CDH23: variants seen among roughly 807,000 people sequenced by gnomAD.
The protein encoded by CDH23 is cadherin related 23.
CDH23 carries 189 observed loss-of-function variants against 317.1 expected under a neutral mutation model. The ratio of observed to expected loss-of-function variants is 0.60; its 90% CI spans 0.53 to 0.67. The LOEUF (loss-of-function observed/expected upper bound fraction) is 0.67, where lower values mean the gene tolerates loss of function less well. CDH23 is among the 30% of genes least tolerant of loss of function. CDH23 has a pLI of 0.00. For missense variants in CDH23, 4,401 were observed against 4,592.4 expected (o/e 0.96, Z 1.20); for synonymous variants, 1,839 against 1,876.8 (o/e 0.98, Z 0.52).
In CDH23 at chr10:71,815,319, A is replaced by T; in HGVS notation, c.*41A>T. ...TTGTGGGTGTGAGCAGCACCCATCC[A>T]CCGTCCCCTCCCAGGGAGCAAGGGC... On this transcript the variant is annotated 3_prime_UTR_variant, in exon 70 of 70. Coordinates refer to ENST00000224721, the MANE Select transcript of CDH23 (RefSeq NM_022124.6). The T allele has an allele frequency of 6.7e-7, 1 of 1,487,786 alleles. No homozygotes were observed. The highest frequency in any genetic ancestry group is 1.3e-5 in the South Asian group (1 of 74,368). 92.2% of individuals were successfully genotyped at this position (1,487,786 alleles called of 1,614,324 possible).
At chr10:71,518,283 C>T (rs1239905215) in intron 6 of CDH23, among the ~76,000 whole-genome samples, 2 of 152,218 alleles carry the variant, frequency 1.3e-5, no homozygotes, top group East Asian at 1.9e-4. Context: ...CATCCTGTGT[C>T]CTGCCTCCCA....
chr10:71,802,287 A>G (rs1841577609), intron 53 of CDH23, among the ~76,000 whole-genome samples: 1 of 152,196 alleles, frequency 6.6e-6, no homozygotes, highest in Non-Finnish European at 1.5e-5. Flanking sequence ...CAGCCTGGGC[A>G]ACAAGAGCGA....
intron 11 of CDH23, among the ~76,000 whole-genome samples, chr10:71,625,966 C>G (rs1179113110): frequency 2.0e-5 from 3 of 152,238 alleles, no homozygotes; most frequent in African/African-American, 7.2e-5. Context: ...AGAGACATCT[C>G]AGATATTTTC....
chr10:71,753,144 C>T (rs1840048471), intron 38 of CDH23: 1 of 908,482 alleles, frequency 1.1e-6, no homozygotes, highest in African/African-American at 2.3e-5. Context: ...CATTTCTTTT[C>T]ACATGGGTGC....
chr10:71,551,408 G>A (rs984796524), intron 6 of CDH23, among the ~76,000 whole-genome samples: 5 of 152,170 alleles, frequency 3.3e-5, no homozygotes, highest in African/African-American at 1.2e-4. Context: ...AGGGAGGGGT[G>A]GGACTCTGTT....
rs779703766 is a variant in CDH23 at position 71,707,023 on chromosome 10, A to C, written c.3080A>C (p.Asn1027Thr). 1.2e-6 allele frequency: 2 copies of C among 1,607,350 alleles called. No individual in the cohort carries two copies. The highest frequency in any genetic ancestry group is 1.1e-5 in the South Asian group (1 of 89,574). The change falls in exon 26 of 70, where the codon AAT becomes ACT. Residue 1027 changes from asparagine (N) to threonine (T), a missense_variant. Coordinates refer to ENST00000224721, the MANE Select transcript of CDH23 (RefSeq NM_022124.6). ...TGCACGGACAACGACGTGGGCCTCAATGCAGAGCTCAGCTACTTCATCACA... is the reference window on the plus strand; with the variant it reads ...TGCACGGACAACGACGTGGGCCTCACTGCAGAGCTCAGCTACTTCATCACA... ...LNCTDNDVGLNAELSYFITGG... is the reference protein window; with the variant it reads ...LNCTDNDVGLTAELSYFITGG...
intron 22 of CDH23, among the ~76,000 whole-genome samples, 196 bp downstream of exon 22, chr10:71,695,721 C>T (rs571730633): frequency 2.6e-4 from 40 of 152,364 alleles, no homozygotes; most frequent in African/African-American, 9.6e-4. Flanking sequence ...AGCCCTCATC[C>T]GGCCTCCAGT....
intron 47 of CDH23, 140 bp from the exon 48 acceptor site, chr10:71,793,042 G>C (rs772290319): frequency 1.8e-6 from 1 of 567,286 alleles, no homozygotes; most frequent in African/African-American, 1.9e-5. Flanking sequence ...AAAATTGCAA[G>C]TATGAAAAAG....
In CDH23 at chr10:71,563,746, CT is replaced by C. The variant is rs374816063; in HGVS notation, c.430-2983del. Among the ~76,000 whole-genome samples, 486 of 139,746 alleles carry C rather than the reference CT, an allele frequency of 3.5e-3. 3 individuals carry two copies. Among genetic ancestry groups the C allele is most frequent in the Middle Eastern group, 7.4e-3 (2 of 272 alleles). The allele number at this position is 139,746 out of a possible 152,430, so 91.7% of individuals were successfully genotyped here. ...TTATAATACTTTTTTTTTCTTTTTT[CT>C]TTTTTTTTTTTTCTTTTTTGAGACG... On this transcript the variant is annotated intron_variant, in intron 6 of 69. Coordinates refer to ENST00000224721, the MANE Select transcript of CDH23 (RefSeq NM_022124.6).
At chr10:71,398,659 T>C (rs1197030572) in intron 1 of CDH23, among the ~76,000 whole-genome samples, 1 of 152,008 alleles carries the variant, frequency 6.6e-6, no homozygotes, top group Non-Finnish European at 1.5e-5. Flanking sequence ...GGTCAGCACC[T>C]ACAGGGGTGG....
At position 71,741,658 on chromosome 10, in the gene CDH23, G is replaced by A. The variant is rs972991467; in HGVS notation, c.4618-36G>A. On this transcript the variant is annotated intron_variant, in intron 37 of 69. Coordinates refer to ENST00000224721, the MANE Select transcript of CDH23 (RefSeq NM_022124.6). ...GTGCCAGACTGTGCCCCAATGCCTT[G>A]AGTCCAGAATGACTGCTCTCCTGCT... is the stretch of plus-strand genomic sequence containing the variant. 2.6e-6 allele frequency: 4 copies of A among 1,560,850 alleles called. No homozygotes were observed. The Admixed American group carries it at 7.4e-5, about 29-fold the overall frequency.
intron 14 of CDH23, among the ~76,000 whole-genome samples, chr10:71,669,737 C>G (rs148708535): frequency 6.6e-6 from 1 of 152,102 alleles, no homozygotes; most frequent in Non-Finnish European, 1.5e-5. Context: ...CGTGAGCCAC[C>G]GTGCCTGGCC....
rs116640020 is a variant in CDH23, at chr10:71,789,905, C to G, written c.5924-383C>G. The stretch of plus-strand genomic sequence containing the variant: ...TTTCTAGTCATGTATGGCCAGGCCC[C>G]CAAAGGCAGAGCATTGTGTGAACAC... On this transcript the variant is annotated intron_variant, in intron 45 of 69. Coordinates refer to ENST00000224721, the MANE Select transcript of CDH23 (RefSeq NM_022124.6). Among the ~76,000 whole-genome samples the G allele has an allele frequency of 3.9e-3, 588 of 152,310 alleles. 7 individuals carry two copies. The highest frequency in any genetic ancestry group is 0.013 in the African/African-American group (545 of 41,574).
intron 3 of CDH23, among the ~76,000 whole-genome samples, chr10:71,505,391 G>A (rs1422097062): frequency 6.6e-6 from 1 of 152,154 alleles, no homozygotes. Context: ...TTTTAGGAGG[G>A]TTCTAACATG....
intron 3 of CDH23, among the ~76,000 whole-genome samples, chr10:71,499,015 T>C (rs1033789938): frequency 1.3e-5 from 2 of 152,192 alleles, no homozygotes; most frequent in African/African-American, 4.8e-5. Context: ...TAAGTGTCCG[T>C]CAATGATAAA....
At chr10:71,706,296 G>C (rs1003716772) in intron 25 of CDH23, among the ~76,000 whole-genome samples, 1 of 152,170 alleles carries the variant, frequency 6.6e-6, no homozygotes, top group Admixed American at 6.5e-5. Flanking sequence ...CGGGGGGTGG[G>C]ATTTTCAAAG....
At chr10:71,809,581 CAG>C (rs1176348809) in intron 60 of CDH23, among the ~76,000 whole-genome samples, 2 of 152,224 alleles carry the variant, frequency 1.3e-5, no homozygotes, top group East Asian at 1.9e-4. Context: ...CATGGGACAA[CAG>C]AGTCACAAAC....
At chr10:71,400,798 C>G (rs1451516455) in intron 1 of CDH23, among the ~76,000 whole-genome samples, 1 of 152,088 alleles carries the variant, frequency 6.6e-6, no homozygotes, top group Middle Eastern at 3.2e-3. Context: ...GACTCCATCT[C>G]AAAATCAATC....
At chr10:71,652,684 C>T (rs1295808027) in intron 14 of CDH23, among the ~76,000 whole-genome samples, 1 of 152,192 alleles carries the variant, frequency 6.6e-6, no homozygotes, top group African/African-American at 2.4e-5. Flanking sequence ...GAAGACACAG[C>T]ACAGAGGCTG....
Sources: allele counts gnomAD v4.1 joint callset (sites outside exome capture counted in the v4.1 genomes callset), GRCh38; gene constraint gnomAD v4.1.1; transcripts MANE v1.5; gene names NCBI Gene and HGNC (gene_info 2026-07-23, HGNC 2026-07-21).